Variants in ANTXR2 observed in about 807,000 individuals in gnomAD.
ANTXR2 encodes the protein anthrax toxin receptor 2.
A neutral mutation model predicts 73.7 loss-of-function variants in ANTXR2; 44 were observed. That is an observed-to-expected ratio of 0.60 (90% CI 0.47 to 0.77). The LOEUF is 0.77. ANTXR2 is among the 30% of genes least tolerant of loss of function. The probability of loss-of-function intolerance (pLI) is 0.00; values close to 1 mark genes in which losing one functional copy is unlikely to be tolerated. For synonymous variants in ANTXR2, 217 were observed against 205.9 expected, an observed-to-expected ratio of 1.05 and a Z score of -0.46; for missense variants, 604 against 592.5, an observed-to-expected ratio of 1.02 and a Z score of -0.20.
At chr4:79,954,476 GACA>G (rs1728818107) in intron 16 of ANTXR2, among the ~76,000 whole-genome samples, 1 of 152,162 alleles carries the variant, frequency 6.6e-6, no homozygotes, top group African/African-American at 2.4e-5. Flanking sequence ...TGGGCCCAGT[GACA>G]GGCATCTGTA....
intron 10 of ANTXR2, among the ~76,000 whole-genome samples, chr4:80,026,116 T>C (rs1021273485): frequency 1.3e-5 from 2 of 152,178 alleles, no homozygotes; most frequent in African/African-American, 4.8e-5. Flanking sequence ...GCTGTGTGTC[T>C]CCACCCAAAT....
At chr4:79,949,197 C>T (rs1728616659) in intron 16 of ANTXR2, among the ~76,000 whole-genome samples, 3 of 152,086 alleles carry the variant, frequency 2.0e-5, no homozygotes, top group Non-Finnish European at 1.5e-5. Flanking sequence ...TACCCACAAA[C>T]AGGATGAGAA....
chr4:79,965,566 T>G (rs1300033596), intron 16 of ANTXR2, among the ~76,000 whole-genome samples: 25 of 152,206 alleles, frequency 1.6e-4, no homozygotes, highest in Non-Finnish European at 2.9e-5. Flanking sequence ...GTATAAATAC[T>G]TCATAAGAAC....
intron 16 of ANTXR2, among the ~76,000 whole-genome samples, chr4:79,913,132 A>C (rs1727211810): frequency 6.6e-6 from 1 of 152,196 alleles, no homozygotes; most frequent in African/African-American, 2.4e-5. Context: ...ACTTTCTGGA[A>C]TCACCACCAA....
intron 7 of ANTXR2, among the ~76,000 whole-genome samples, chr4:80,048,810 G>A (rs11728375): frequency 0.62 from 94,502 of 151,380 alleles, 30,283 homozygotes; most frequent in East Asian, 0.95. Flanking sequence ...AACAGACATT[G>A]CTGAGAAAAA....
At chr4:79,947,434 C>G (rs1246828288) in intron 16 of ANTXR2, among the ~76,000 whole-genome samples, 3 of 152,012 alleles carry the variant, frequency 2.0e-5, no homozygotes, top group South Asian at 2.1e-4. Context: ...AAAGATGAAA[C>G]AGCAAGACAA....
chr4:79,956,189 A>C (rs1728879731), intron 16 of ANTXR2, among the ~76,000 whole-genome samples: 1 of 152,170 alleles, frequency 6.6e-6, no homozygotes, highest in African/African-American at 2.4e-5. Context: ...TATATAATTA[A>C]ATGTATGTTG....
At chr4:80,031,934 A>C (rs1452551613) in intron 9 of ANTXR2, among the ~76,000 whole-genome samples, 1 of 151,786 alleles carries the variant, frequency 6.6e-6, no homozygotes, top group Non-Finnish European at 1.5e-5. Context: ...CTAAGTTCAC[A>C]TACCATTCTA....
intron 16 of ANTXR2, among the ~76,000 whole-genome samples, chr4:79,929,655 T>C (rs897998364): frequency 1.3e-5 from 2 of 152,192 alleles, no homozygotes; most frequent in African/African-American, 4.8e-5. Flanking sequence ...TTTTACGTTA[T>C]GGCATCTTTT....
intron 4 of ANTXR2, 66 bp downstream of exon 4, chr4:80,055,866 G>A (rs981299592): frequency 2.6e-6 from 3 of 1,169,906 alleles, no homozygotes; most frequent in Non-Finnish European, 3.6e-6. Context: ...CTTTGCTAGA[G>A]GGTTTTATTT....
At chr4:79,973,234 T>A (rs952361438) in intron 16 of ANTXR2, among the ~76,000 whole-genome samples, 1 of 152,226 alleles carries the variant, frequency 6.6e-6, no homozygotes, top group African/African-American at 2.4e-5. Context: ...CCTTCAATTA[T>A]CCTAATAATG....
intron 14 of ANTXR2, 114 bp downstream of exon 14, chr4:79,983,764 G>T: frequency 2.4e-6 from 2 of 844,738 alleles, no homozygotes; most frequent in Non-Finnish European, 1.9e-6. Flanking sequence ...CCAGTGTTAA[G>T]CACAAATGGA....
chr4:80,033,612 C>A (rs765334137), intron 8 of ANTXR2, 42 bp from the exon 9 acceptor site: 3 of 1,434,214 alleles, frequency 2.1e-6, no homozygotes, highest in Admixed American at 2.5e-5. Context: ...CACTGCTTTA[C>A]CAAAAAAATA....
chr4:79,988,937 T>C (rs1440171769), intron 12 of ANTXR2, among the ~76,000 whole-genome samples: 3 of 152,194 alleles, frequency 2.0e-5, no homozygotes, highest in African/African-American at 7.2e-5. Context: ...TTAAAAATTC[T>C]TTGAAACCAA....
In ANTXR2 at chr4:80,069,290, C is replaced by A. The variant is rs868308820; in HGVS notation, c.296+146G>T. 4 of 693,000 alleles carry A rather than the reference C, an allele frequency of 5.8e-6. No homozygotes were observed. In the Middle Eastern group the frequency reaches 9.5e-4, roughly 164 times the overall value. The allele number at this position is 693,000 out of a possible 1,614,324, so 42.9% of individuals were successfully genotyped here. On this transcript the variant is annotated intron_variant, in intron 3 of 16. Transcript: ENST00000403729. ...TAACTGCTCTTTTATATTACTCATACCTCCTTTCCCTTCTATTAGAGAACT... is the reference window on the plus strand; with the variant it reads ...TAACTGCTCTTTTATATTACTCATAACTCCTTTCCCTTCTATTAGAGAACT...
chr4:80,010,155 C>G (rs1044380090), intron 11 of ANTXR2, among the ~76,000 whole-genome samples: 1 of 152,004 alleles, frequency 6.6e-6, no homozygotes, highest in African/African-American at 2.4e-5. Flanking sequence ...CCTAAGTAGC[C>G]TGTTCTTAGA....
chr4:79,983,987 T>C lies in ANTXR2; in HGVS notation c.1087-17A>G, dbSNP rs1729997088. ...TTCTTCCTCCTGTGGAAATATGTTT[T>C]ATAAATAGTTTTTAATTAATTTCTT... On this transcript the variant is annotated splice_polypyrimidine_tract_variant and intron_variant, in intron 13 of 16. Transcript: ENST00000403729. The C allele has an allele frequency of 6.6e-7, 1 of 1,511,810 alleles. No individual in the cohort carries two copies. Among genetic ancestry groups the C allele is most frequent in the East Asian group, 2.3e-5 (1 of 43,228 alleles). The allele number at this position is 1,511,810 out of a possible 1,614,324, so 93.6% of individuals were successfully genotyped here.
At chr4:80,047,895 T>C (rs1264901087) in intron 7 of ANTXR2, among the ~76,000 whole-genome samples, 2 of 151,742 alleles carry the variant, frequency 1.3e-5, no homozygotes, top group African/African-American at 4.8e-5. Flanking sequence ...TATTTTTCTT[T>C]TCCTTAAACT....
At chr4:79,936,697 C>T (rs1257465587) in intron 16 of ANTXR2, among the ~76,000 whole-genome samples, 2 of 152,096 alleles carry the variant, frequency 1.3e-5, no homozygotes, top group African/African-American at 4.8e-5. Context: ...AAGACTAACA[C>T]ATGAAATAAT....
Sources: allele counts gnomAD v4.1 joint callset (sites outside exome capture counted in the v4.1 genomes callset), GRCh38; gene constraint gnomAD v4.1.1; transcripts MANE v1.5; gene names NCBI Gene and HGNC (gene_info 2026-07-23, HGNC 2026-07-21).